Variants in GAB3 observed in about 807,000 individuals in gnomAD.
The protein encoded by GAB3 is GRB2 associated binding protein 3.
In GAB3, 12 loss-of-function variants were observed where a neutral mutation model predicts 40.4. The observed-to-expected ratio is 0.30, with a 90% CI of 0.19 to 0.48. The LOEUF (loss-of-function observed/expected upper bound fraction) is 0.48, where lower values mean the gene tolerates loss of function less well. GAB3 is among the 20% of genes least tolerant of loss of function. GAB3 has a pLI of 0.99. For missense variants in GAB3, 381 were observed against 461.9 expected, an observed-to-expected ratio of 0.82 and a Z score of 1.61; for synonymous variants, 154 against 176.7, an observed-to-expected ratio of 0.87 and a Z score of 1.02.
intron 4 of GAB3, among the ~76,000 whole-genome samples, chrX:154,708,542 G>T (rs1487267349): frequency 8.9e-6 from 1 of 111,877 alleles, no homozygotes; most frequent in African/African-American, 3.3e-5. Flanking sequence ...AAAACTAAAT[G>T]ACCCAATTTT....
At chrX:154,731,751 A>T (rs782277757) in intron 1 of GAB3, among the ~76,000 whole-genome samples, 1 of 111,968 alleles carries the variant, frequency 8.9e-6, no homozygotes, top group African/African-American at 3.2e-5. Flanking sequence ...TACCAGAGTC[A>T]CAGACAAACA....
chrX:154,682,200 C>G (rs1481186123), intron 8 of GAB3, among the ~76,000 whole-genome samples: 5 of 111,845 alleles, frequency 4.5e-5, no homozygotes, highest in Non-Finnish European at 9.4e-5. Flanking sequence ...GATTTTATAT[C>G]CATCAATCTT....
At chrX:154,685,465 T>C (rs1162226566) in intron 8 of GAB3, among the ~76,000 whole-genome samples, 2 of 111,526 alleles carry the variant, frequency 1.8e-5, no homozygotes, top group Non-Finnish European at 3.8e-5. Context: ...AAAAATAGAA[T>C]AAATGTAGTT....
At chrX:154,750,692 T>A (rs1042244575) in intron 1 of GAB3, among the ~76,000 whole-genome samples, 1 of 112,439 alleles carries the variant, frequency 8.9e-6, no homozygotes, top group African/African-American at 3.2e-5. Context: ...CCAACCCGCC[T>A]CCCTCCGCTA....
chrX:154,687,318 T>G (rs1350011487), intron 8 of GAB3, among the ~76,000 whole-genome samples: 1 of 110,598 alleles, frequency 9.0e-6, no homozygotes, highest in Non-Finnish European at 1.9e-5. Context: ...TGTATAGATT[T>G]AATGCAATTC....
At position 154,704,824 on chromosome X, in the gene GAB3, T is replaced by A. The variant is rs2070784404; in HGVS notation, c.1070-4765A>T. Among the ~76,000 whole-genome samples, 3 of 111,392 alleles carry A rather than the reference T, an allele frequency of 2.7e-5. No homozygotes were observed. The Admixed American group carries it at 2.9e-4, about 11-fold the overall frequency. ...TTTGAACAATTATACATTAACAAATTTGAAAACCCAGAGGAAAAGGATAAA... is the reference window on the plus strand; with the variant it reads ...TTTGAACAATTATACATTAACAAATATGAAAACCCAGAGGAAAAGGATAAA... On this transcript the variant is annotated intron_variant, in intron 4 of 9. Coordinates refer to ENST00000424127, the MANE Select transcript of GAB3 (RefSeq NM_001081573.3).
intron 5 of GAB3, 89 bp downstream of exon 5, chrX:154,699,914 GC>G (rs1237070570): frequency 4.0e-6 from 3 of 747,215 alleles, no homozygotes; most frequent in Non-Finnish European, 6.2e-6. Flanking sequence ...GACTCAGAGT[GC>G]TGAATCTTAA....
intron 1 of GAB3, among the ~76,000 whole-genome samples, chrX:154,737,850 C>T (rs1341439730): frequency 9.0e-6 from 1 of 111,335 alleles, no homozygotes; most frequent in Non-Finnish European, 1.9e-5. Flanking sequence ...ATTAGCCGGG[C>T]ATGGTGGCAG....
At chrX:154,688,944 C>T (rs1206460100) in intron 8 of GAB3, among the ~76,000 whole-genome samples, 9 of 111,165 alleles carry the variant, frequency 8.1e-5, no homozygotes, top group African/African-American at 9.8e-5. Flanking sequence ...ATACCAAAGC[C>T]GGGCAGAGAC....
chrX:154,720,048 C>T (rs781870088), intron 1 of GAB3, among the ~76,000 whole-genome samples: 3 of 110,447 alleles, frequency 2.7e-5, no homozygotes, highest in African/African-American at 3.3e-5. Context: ...TTCAATCCTC[C>T]GAGACATCTG....
chrX:154,689,193 AG>A (rs782571624), intron 8 of GAB3, among the ~76,000 whole-genome samples: 7 of 111,887 alleles, frequency 6.3e-5, no homozygotes, highest in Non-Finnish European at 1.3e-4. Flanking sequence ...GATGCAGAAA[AG>A]GCCTTTGACA....
intron 4 of GAB3, among the ~76,000 whole-genome samples, chrX:154,707,866 T>C: frequency 8.9e-6 from 1 of 112,081 alleles, no homozygotes; most frequent in East Asian, 2.8e-4. Flanking sequence ...TCAATTTAAG[T>C]TTTCATACAA....
At chrX:154,705,251 C>T (rs2070790809) in intron 4 of GAB3, among the ~76,000 whole-genome samples, 1 of 111,715 alleles carries the variant, frequency 9.0e-6, no homozygotes. Context: ...AGGTTTAGTA[C>T]CTAGGTTATG....
At chrX:154,687,211 A>G (rs1460734358) in intron 8 of GAB3, among the ~76,000 whole-genome samples, 2 of 110,586 alleles carry the variant, frequency 1.8e-5, no homozygotes, top group Non-Finnish European at 3.8e-5. Flanking sequence ...AAAAAAACAA[A>G]ACAAAAAAAA....
intron 4 of GAB3, 76 bp downstream of exon 4, chrX:154,712,153 T>C: frequency 1.3e-6 from 1 of 750,225 alleles, no homozygotes; most frequent in Non-Finnish European, 1.9e-6. Flanking sequence ...TCCATTGGCA[T>C]GACCTCACAT....
rs782453483 is a variant in GAB3 at position 154,678,232 on chromosome X, C to T, written c.1710G>A (p.Gln570=). Residue 570 remains glutamine (Q), a synonymous_variant, in exon 10 of 10, where the codon CAG becomes CAA. Coordinates refer to ENST00000424127, the MANE Select transcript of GAB3 (RefSeq NM_001081573.3). The stretch of plus-strand genomic sequence containing the variant: ...ACTCCTGTTTTGTGCTCTGGAGAGC[C>T]TGTGTCTTCTGCTCATCCACTTGGA... ...DYVQVDEQKT[Q]ALQSTKQEWT... 2.5e-6 allele frequency: 3 copies of T among 1,203,154 alleles called. No individual in the cohort carries two copies. The highest frequency in any genetic ancestry group is 1.1e-6 in the Non-Finnish European group (1 of 888,450).
intron 6 of GAB3, among the ~76,000 whole-genome samples, chrX:154,697,465 G>A (rs1297061200): frequency 1.8e-5 from 2 of 111,852 alleles, no homozygotes; most frequent in Non-Finnish European, 3.8e-5. Context: ...TATATCACGC[G>A]TGCTTCTAGG....
At chrX:154,735,693 G>A (rs928675982) in intron 1 of GAB3, among the ~76,000 whole-genome samples, 1 of 112,251 alleles carries the variant, frequency 8.9e-6, no homozygotes, top group Non-Finnish European at 1.9e-5. Context: ...GGCCCCTACA[G>A]CTTGCAGGCA....
intron 4 of GAB3, among the ~76,000 whole-genome samples, chrX:154,706,601 A>T (rs958005315): frequency 1.8e-5 from 2 of 111,113 alleles, no homozygotes; most frequent in Non-Finnish European, 3.8e-5. Flanking sequence ...TGAACATCCA[A>T]AGCAATACTG....
Sources: gnomAD v4.1 joint callset for allele counts (sites outside exome capture counted in the v4.1 genomes callset) on GRCh38, gnomAD v4.1.1 for gene constraint, MANE v1.5 for transcripts, NCBI Gene and HGNC (gene_info 2026-07-23, HGNC 2026-07-21) for gene names.